CRMP1: variants seen among roughly 807,000 people sequenced by gnomAD.
CRMP1 encodes the protein dihydropyrimidinase-related protein 1.
A neutral mutation model predicts 68.3 loss-of-function variants in CRMP1; 19 were observed. That is an observed-to-expected ratio of 0.28 (90% CI 0.19 to 0.41). The LOEUF (loss-of-function observed/expected upper bound fraction) is 0.41, where lower values mean the gene tolerates loss of function less well. CRMP1 is among the 10% of genes least tolerant of loss of function. The probability of loss-of-function intolerance (pLI) is 1.00; values close to 1 mark genes in which losing one functional copy is unlikely to be tolerated. For synonymous variants in CRMP1, 439 were observed against 399.6 expected, an observed-to-expected ratio of 1.10 and a Z score of -1.18; for missense variants, 791 against 967.4, an observed-to-expected ratio of 0.82 and a Z score of 2.42.
intron 1 of CRMP1, among the ~76,000 whole-genome samples, chr4:5,874,401 T>C (rs529943764): frequency 6.6e-6 from 1 of 152,242 alleles, no homozygotes; most frequent in East Asian, 1.9e-4. Context: ...ACGGAGACTT[T>C]GGGGTCCACA....
chr4:5,827,509 G>A (rs1178960445), intron 12 of CRMP1, among the ~76,000 whole-genome samples: 2 of 152,216 alleles, frequency 1.3e-5, no homozygotes, highest in African/African-American at 4.8e-5. Context: ...GAAGGTCTCT[G>A]GACTTCTCCA....
chr4:5,891,212 A>ACACACACACACACACACACACACACACC lies in CRMP1; in HGVS notation c.381+1376_381+1377insGGTGTGTGTGTGTGTGTGTGTGTGTGTG, dbSNP rs59152465. Among the ~76,000 whole-genome samples the ACACACACACACACACACACACACACACC allele has an allele frequency of 6.8e-6, 1 of 147,120 alleles. No homozygotes were observed. Among genetic ancestry groups the ACACACACACACACACACACACACACACC allele is most frequent in the Non-Finnish European group, 1.5e-5 (1 of 66,802 alleles). ...CACACACACACACACACACACACAC[A>ACACACACACACACACACACACACACACC]CCCTTGCTGTTGGACCTCTCCCTCG... On this transcript the variant is annotated intron_variant, in intron 1 of 13. Transcript: ENST00000324989. The surrounding 1 kb of genome is among the most constrained non-coding windows in gnomAD (Gnocchi z 5.2).
intron 3 of CRMP1, among the ~76,000 whole-genome samples, chr4:5,856,930 TCA>T (rs1713129312): frequency 8.4e-6 from 1 of 118,416 alleles, no homozygotes; most frequent in African/African-American, 3.5e-5. Flanking sequence ...ACCACCACCA[TCA>T]CCACCATCAT....
chr4:5,843,264 A>G lies in CRMP1; in HGVS notation c.964-103T>C, dbSNP rs1711926206. The G allele has an allele frequency of 3.4e-6, 4 of 1,179,926 alleles. No individual in the cohort carries two copies. Among genetic ancestry groups the G allele is most frequent in the Admixed American group, 3.5e-5 (2 of 56,442 alleles). 73.1% of individuals were successfully genotyped at this position (1,179,926 alleles called of 1,614,324 possible). A position where few individuals can be genotyped will look rare whatever the true frequency, so the allele number is the denominator to read the frequency against. The stretch of plus-strand genomic sequence containing the variant: ...AGACAGAGGGGGCAGCTGGGTCCCA[A>G]AGAGGCGAGTGGCTTGCACTAGGTT... On this transcript the variant is annotated intron_variant, in intron 6 of 13. Transcript: ENST00000324989. The surrounding 1 kb of genome is among the most constrained non-coding windows in gnomAD (Gnocchi z 4.1).
rs1031759685 is a variant in CRMP1, at chr4:5,888,929, G to T, written c.381+3660C>A. ...CGCGCCCAAGGACCGCTCCCCTCTT[G>T]CCTCTCCTTCCATAGCCTCCGTTTA... On this transcript the variant is annotated intron_variant, in intron 1 of 13. Transcript: ENST00000324989. The surrounding 1 kb of genome is among the most constrained non-coding windows in gnomAD (Gnocchi z 6.4). Among the ~76,000 whole-genome samples, 49 of 151,976 alleles carry T rather than the reference G, an allele frequency of 3.2e-4. No individual in the cohort carries two copies. The highest frequency in any genetic ancestry group is 5.9e-4 in the Admixed American group (9 of 15,288).
rs766030790 is a variant in CRMP1, at chr4:5,861,755, A to G, written c.471-545T>C. ...GGAGGTCCCTCAAGGCGCTGGGGGA[A>G]GAGGCTCAGCCAGAACCAGGAAAGG... On this transcript the variant is annotated intron_variant, in intron 2 of 13. Coordinates refer to ENST00000324989, the MANE Select transcript of CRMP1 (RefSeq NM_001014809.3). This position sits in a 1 kb window ranked among gnomAD's most constrained non-coding sequence, Gnocchi z 6.0. Among the ~76,000 whole-genome samples, 2 of 152,142 alleles carry G rather than the reference A, an allele frequency of 1.3e-5. No homozygotes were observed. Among genetic ancestry groups the G allele is most frequent in the Non-Finnish European group, 2.9e-5 (2 of 68,026 alleles).
chr4:5,825,379 C>T lies in CRMP1; in HGVS notation c.1969+115G>A. 6.8e-7 allele frequency: 1 copy of T among 1,462,256 alleles called. No individual in the cohort carries two copies. Among genetic ancestry groups the T allele is most frequent in the Non-Finnish European group, 9.0e-7 (1 of 1,114,462 alleles). The allele number at this position is 1,462,256 out of a possible 1,614,324, so 90.6% of individuals were successfully genotyped here. On this transcript the variant is annotated intron_variant, in intron 13 of 13. Transcript: ENST00000324989. The surrounding 1 kb of genome is among the most constrained non-coding windows in gnomAD (Gnocchi z 4.4). ...AGGCTCGGGTGGGGCACACTCCCTT[C>T]CCTGCTTCTTCATCTAGTGTCCAAG...
At position 5,838,988 on chromosome 4, in the gene CRMP1, T is replaced by C. The variant is rs1382119047; in HGVS notation, c.1310+534A>G. ...CTAAGTGCTCTTCCCTCCTGGTGGC[T>C]AACAGAAGGGAAGGGGCTGAGGTGC... On this transcript the variant is annotated intron_variant, in intron 9 of 13. Coordinates refer to ENST00000324989, the MANE Select transcript of CRMP1 (RefSeq NM_001014809.3). The surrounding 1 kb of genome is among the most constrained non-coding windows in gnomAD (Gnocchi z 4.9). Among the ~76,000 whole-genome samples the C allele has an allele frequency of 5.3e-5, 8 of 152,258 alleles. No homozygotes were observed. In the East Asian group the frequency reaches 1.4e-3, roughly 26 times the overall value.
At chr4:5,837,642 A>AAAT (rs1720806854) in intron 9 of CRMP1, among the ~76,000 whole-genome samples, 3 of 130,864 alleles carry the variant, frequency 2.3e-5, no homozygotes, top group African/African-American at 3.5e-5. Flanking sequence ...AAATAAAATA[A>AAAT]AATAAAATAA....
chr4:5,886,179 G>A (rs1211591351), intron 1 of CRMP1, among the ~76,000 whole-genome samples: 6 of 152,162 alleles, frequency 3.9e-5, no homozygotes, highest in African/African-American at 7.2e-5. Context: ...CTCTTTCCCA[G>A]GAACTAAGCA....
At position 5,859,889 on chromosome 4, in the gene CRMP1, A is replaced by T. The variant is rs997676070; in HGVS notation, c.655+1137T>A. Reference sequence around the variant, plus strand: ...AGATGGGCAGGGTTGGGGCCAGCTTACAGACAGGCCTCCTGAAACCGAAGA... The same window carrying T: ...AGATGGGCAGGGTTGGGGCCAGCTTTCAGACAGGCCTCCTGAAACCGAAGA... On this transcript the variant is annotated intron_variant, in intron 3 of 13. Coordinates refer to ENST00000324989, the MANE Select transcript of CRMP1 (RefSeq NM_001014809.3). This position sits in a 1 kb window ranked among gnomAD's most constrained non-coding sequence, Gnocchi z 5.2. Among the ~76,000 whole-genome samples the T allele has an allele frequency of 1.1e-4, 17 of 152,202 alleles. No individual in the cohort carries two copies. Among genetic ancestry groups the T allele is most frequent in the Admixed American group, 2.0e-4 (3 of 15,278 alleles).
chr4:5,852,075 G>A (rs1211225504), intron 4 of CRMP1, among the ~76,000 whole-genome samples: 1 of 152,204 alleles, frequency 6.6e-6, no homozygotes, highest in Non-Finnish European at 1.5e-5. Context: ...AGGGTGTGAT[G>A]AGCATCTGCA....
At chr4:5,822,044 T>G (rs1429003230) in intron 13 of CRMP1, among the ~76,000 whole-genome samples, 193 bp from the exon 14 acceptor site, 2 of 143,238 alleles carry the variant, frequency 1.4e-5, no homozygotes, top group Non-Finnish European at 3.0e-5. Context: ...CCTCAGTCCC[T>G]GGGCTCCCCC....
chr4:5,836,955 G>A (rs760581438), intron 9 of CRMP1, 49 bp from the exon 10 acceptor site: 1 of 1,548,824 alleles, frequency 6.5e-7, no homozygotes, highest in South Asian at 1.3e-5. Flanking sequence ...TCATTTTGAA[G>A]GCAAATCCTG....
intron 11 of CRMP1, among the ~76,000 whole-genome samples, chr4:5,830,665 C>T (rs902142119): frequency 2.0e-5 from 3 of 152,184 alleles, no homozygotes; most frequent in African/African-American, 7.2e-5. Flanking sequence ...TTCCTTGGCT[C>T]TCTTTTCTTG....
Position 5,821,011 on chromosome 4 carries a change from CTCTT to C in CRMP1, c.*745_*748del, listed in dbSNP as rs1243793950. 2 of 152,236 alleles carry C rather than the reference CTCTT, an allele frequency of 1.3e-5. No individual in the cohort carries two copies. Among genetic ancestry groups the C allele is most frequent in the Non-Finnish European group, 2.9e-5 (2 of 68,088 alleles). 9.4% of individuals were successfully genotyped at this position (152,236 alleles called of 1,614,324 possible). On this transcript the variant is annotated 3_prime_UTR_variant, in exon 14 of 14. Coordinates refer to ENST00000324989, the MANE Select transcript of CRMP1 (RefSeq NM_001014809.3). This position sits in a 1 kb window ranked among gnomAD's most constrained non-coding sequence, Gnocchi z 4.4. The stretch of plus-strand genomic sequence containing the variant: ...CAGCCCCGAATGGGGATGGGGAGAC[CTCTT>C]TCTGAGTGTGAACCTGGCTCGGCCT...
chr4:5,847,195 T>C (rs1712284949), intron 6 of CRMP1, among the ~76,000 whole-genome samples: 2 of 152,182 alleles, frequency 1.3e-5, no homozygotes, highest in Admixed American at 1.3e-4. Flanking sequence ...CCACTGCATG[T>C]TGTATATCAG....
rs1406788569 is a variant in CRMP1 at position 5,861,227 on chromosome 4, G to A, written c.471-17C>T. 3.1e-6 allele frequency: 5 copies of A among 1,609,558 alleles called. No homozygotes were observed. The highest frequency in any genetic ancestry group is 3.4e-6 in the Non-Finnish European group (4 of 1,177,404). ...CCTATTTGTCTGGAGGCAAACAACA[G>A]AGACAGCCTTGGTTCTTAAAGGAAA... On this transcript the variant is annotated splice_polypyrimidine_tract_variant and intron_variant, in intron 2 of 13. Coordinates refer to ENST00000324989, the MANE Select transcript of CRMP1 (RefSeq NM_001014809.3). This position sits in a 1 kb window ranked among gnomAD's most constrained non-coding sequence, Gnocchi z 6.0.
rs1450088719 is a variant in CRMP1, at chr4:5,851,826, AAAG to A, written c.821-360_821-358del. 6.2e-5 allele frequency among the ~76,000 whole-genome samples: 8 copies of A among 129,142 alleles called. No homozygotes were observed. In the East Asian group the frequency reaches 6.8e-4, roughly 11 times the overall value. The allele number at this position is 129,142 out of a possible 152,430, so 84.7% of individuals were successfully genotyped here. ...AGAGGAGGAAAAAGAAGAGGAGGAGAAAGAAGGAGAAGGGGAGGAGGAGGAGGA... is the reference window on the plus strand; with the variant it reads ...AGAGGAGGAAAAAGAAGAGGAGGAGAAAGGAGAAGGGGAGGAGGAGGAGGA... On this transcript the variant is annotated intron_variant, in intron 4 of 13. Transcript: ENST00000324989.
Sources: gnomAD v4.1 joint callset for allele counts (sites outside exome capture counted in the v4.1 genomes callset) on GRCh38, gnomAD v4.1.1 for gene constraint, Gnocchi (gnomAD v3.1) non-coding constraint, MANE v1.5 for transcripts, NCBI Gene and HGNC (gene_info 2026-07-23, HGNC 2026-07-21) for gene names.